PLCL1: variants seen among roughly 807,000 people sequenced by gnomAD.
PLCL1 encodes inactive phospholipase C-like protein 1.
In PLCL1, 41 loss-of-function variants were observed where a neutral mutation model predicts 84.4. The ratio of observed to expected loss-of-function variants is 0.49; its 90% confidence interval spans 0.38 to 0.63. PLCL1 has a LOEUF of 0.63. Ranked by LOEUF, PLCL1 falls within the 30% of genes least tolerant of loss-of-function variation. The pLI, the probability that PLCL1 is intolerant of heterozygous loss-of-function variation, is 0.00. For synonymous variants in PLCL1, 490 were observed against 488.3 expected, an observed-to-expected ratio of 1.00 and a Z score of -0.05; for missense variants, 1,206 against 1,367.8, an observed-to-expected ratio of 0.88 and a Z score of 1.87.
chr2:198,137,373 A>T (rs1479985492), intron 5 of PLCL1, among the ~76,000 whole-genome samples: 1 of 152,224 alleles, frequency 6.6e-6, no homozygotes, highest in Non-Finnish European at 1.5e-5. Context: ...GATCTCAGTG[A>T]TACTGTCACT....
chr2:197,826,728 A>G (rs1395052163), intron 1 of PLCL1, among the ~76,000 whole-genome samples: 1 of 152,152 alleles, frequency 6.6e-6, no homozygotes, highest in Non-Finnish European at 1.5e-5. Flanking sequence ...ATGTATTAAA[A>G]CTGTAAGCCC....
intron 1 of PLCL1, among the ~76,000 whole-genome samples, chr2:197,868,668 T>G (rs1048307799): frequency 6.6e-6 from 1 of 151,196 alleles, no homozygotes; most frequent in African/African-American, 2.4e-5. Context: ...CCTGGCTAAT[T>G]GAATTTTTTT....
intron 1 of PLCL1, among the ~76,000 whole-genome samples, chr2:197,985,011 A>G (rs769777533): frequency 6.6e-6 from 1 of 151,494 alleles, no homozygotes; most frequent in African/African-American, 2.4e-5. Flanking sequence ...TGCGATCATT[A>G]TGTACATTTT....
At chr2:197,922,807 C>T (rs1424523378) in intron 1 of PLCL1, among the ~76,000 whole-genome samples, 2 of 124,258 alleles carry the variant, frequency 1.6e-5, no homozygotes, top group African/African-American at 3.0e-5. Context: ...CCGGACGGGG[C>T]GGCTGGCCGG....
intron 5 of PLCL1, among the ~76,000 whole-genome samples, chr2:198,140,877 CAG>C (rs1269285904): frequency 6.6e-6 from 1 of 152,084 alleles, no homozygotes; most frequent in Non-Finnish European, 1.5e-5. Flanking sequence ...TTCAATTAAT[CAG>C]AGTTTGTGAC....
chr2:198,088,554 G>A (rs889857317), intron 2 of PLCL1, among the ~76,000 whole-genome samples: 1 of 152,124 alleles, frequency 6.6e-6, no homozygotes, highest in African/African-American at 2.4e-5. Flanking sequence ...TACAACCCCT[G>A]CCATTCTGTT....
Position 198,124,421 on chromosome 2 carries a change from C to T in PLCL1, c.3105+20485C>T, listed in dbSNP as rs1693940706. On this transcript the variant is annotated intron_variant, in intron 5 of 5. Coordinates refer to ENST00000428675, the MANE Select transcript of PLCL1 (RefSeq NM_006226.4). ...CCAGAAAAGTCTTGTTAAAATGGGC[C>T]TGCATAAAAAGCTGGGGGCAATGAA... Among the ~76,000 whole-genome samples the T allele has an allele frequency of 1.3e-5, 2 of 151,992 alleles. 1 individual carries two copies. Among genetic ancestry groups the T allele is most frequent in the Admixed American group, 1.3e-4 (2 of 15,242 alleles).
chr2:197,869,575 G>A (rs1349335665), intron 1 of PLCL1, among the ~76,000 whole-genome samples: 1 of 152,118 alleles, frequency 6.6e-6, no homozygotes, highest in African/African-American at 2.4e-5. Flanking sequence ...TGTGAAGGAA[G>A]GAACAGCCAG....
intron 1 of PLCL1, among the ~76,000 whole-genome samples, chr2:198,073,970 G>A (rs889684507): frequency 2.0e-5 from 3 of 152,200 alleles, no homozygotes; most frequent in Middle Eastern, 3.4e-3. Flanking sequence ...TTTATAAAAT[G>A]TTTTTAAAAA....
intron 1 of PLCL1, among the ~76,000 whole-genome samples, chr2:197,957,323 T>A (rs190875178): frequency 2.0e-5 from 3 of 152,208 alleles, no homozygotes; most frequent in Admixed American, 6.5e-5. Context: ...AGAGGCCATG[T>A]CTTTTGTTTT....
At chr2:198,102,766 T>C (rs916374801) in intron 4 of PLCL1, among the ~76,000 whole-genome samples, 10 of 152,066 alleles carry the variant, frequency 6.6e-5, no homozygotes, top group African/African-American at 2.4e-4. Flanking sequence ...TAGAAAAGAG[T>C]TTAGACCTTT....
In PLCL1 at chr2:197,850,031, G is replaced by GACACACAC. The variant is rs5837563; in HGVS notation, c.240+44733_240+44740dup. Among the ~76,000 whole-genome samples, 413 of 134,942 alleles carry GACACACAC rather than the reference G, an allele frequency of 3.1e-3. 3 individuals carry two copies. The highest frequency in any genetic ancestry group is 5.5e-3 in the African/African-American group (202 of 36,942). The allele number at this position is 134,942 out of a possible 152,430, so 88.5% of individuals were successfully genotyped here. On this transcript the variant is annotated intron_variant, in intron 1 of 5. Transcript: ENST00000428675. ...ACACACAGACACACAGACACACACAGACACACACACACACACACACACACA... is the reference window on the plus strand; with the variant it reads ...ACACACAGACACACAGACACACACAGACACACACACACACACACACACACACACACACA...
chr2:198,147,021 G>T lies in PLCL1; in HGVS notation c.*59G>T. The T allele has an allele frequency of 7.2e-7, 1 of 1,389,412 alleles. No homozygotes were observed. The highest frequency in any genetic ancestry group is 9.7e-7 in the Non-Finnish European group (1 of 1,034,208). 86.1% of individuals were successfully genotyped at this position (1,389,412 alleles called of 1,614,324 possible). On this transcript the variant is annotated 3_prime_UTR_variant, in exon 6 of 6. Transcript: ENST00000428675. ...TCAAGGACTCTGGTTTCTCATTCTT[G>T]TTTTCTTTCTTTAAATGTTTTATAA... is the stretch of plus-strand genomic sequence containing the variant.
intron 1 of PLCL1, among the ~76,000 whole-genome samples, chr2:197,836,593 C>T (rs1395411291): frequency 6.6e-6 from 1 of 151,496 alleles, no homozygotes. Context: ...TAAAACAGGT[C>T]TTCTGTATTC....
Position 198,134,208 on chromosome 2 carries a change from T to C in PLCL1, c.3106-12572T>C, listed in dbSNP as rs544894426. On this transcript the variant is annotated intron_variant, in intron 5 of 5. Coordinates refer to ENST00000428675, the MANE Select transcript of PLCL1 (RefSeq NM_006226.4). ...GATGGCTTGAGTCTGAGATCTGAAA[T>C]TGGAGCCAGTCTCAGATTAGAGAAA... Among the ~76,000 whole-genome samples, 13 of 147,974 alleles carry C rather than the reference T, an allele frequency of 8.8e-5. No homozygotes were observed. In the South Asian group the frequency reaches 2.8e-3, roughly 32 times the overall value.
chr2:197,883,530 A>T (rs1418659697), intron 1 of PLCL1, among the ~76,000 whole-genome samples: 1 of 152,144 alleles, frequency 6.6e-6, no homozygotes, highest in Non-Finnish European at 1.5e-5. Flanking sequence ...TGCATAATTA[A>T]TGGGTCATGT....
At chr2:198,105,017 T>C (rs1201649326) in intron 5 of PLCL1, among the ~76,000 whole-genome samples, 3 of 152,110 alleles carry the variant, frequency 2.0e-5, no homozygotes, top group Admixed American at 2.0e-4. Flanking sequence ...GCAGAAGTTC[T>C]TTAATTAGAT....
chr2:198,035,389 C>G (rs1341942945), intron 1 of PLCL1, among the ~76,000 whole-genome samples: 1 of 152,184 alleles, frequency 6.6e-6, no homozygotes, highest in African/African-American at 2.4e-5. Context: ...TTTCTAAATA[C>G]TATTCACCAA....
intron 1 of PLCL1, among the ~76,000 whole-genome samples, chr2:197,816,800 A>G (rs1377940882): frequency 6.6e-6 from 1 of 152,174 alleles, no homozygotes; most frequent in Non-Finnish European, 1.5e-5. Context: ...TTTGAGGCAG[A>G]TATAGTGCCT....
Sources: allele counts gnomAD v4.1 joint callset (sites outside exome capture counted in the v4.1 genomes callset), GRCh38; gene constraint gnomAD v4.1.1; transcripts MANE v1.5; gene names NCBI Gene and HGNC (gene_info 2026-07-23, HGNC 2026-07-21).